The following CDH13 variants were observed in gnomAD, a reference collection of about 807,000 sequenced individuals.
CDH13 encodes the protein cadherin-13.
Under a neutral mutation model 63.8 loss-of-function variants are expected in CDH13, and 24 were observed. The observed-to-expected ratio is 0.38, with a 90% CI of 0.27 to 0.53. The LOEUF (loss-of-function observed/expected upper bound fraction) is 0.53, where lower values mean the gene tolerates loss of function less well. CDH13 is among the 20% of genes least tolerant of loss of function. CDH13 has a pLI of 0.85. For synonymous variants in CDH13, 503 were observed against 355.3 expected (o/e 1.42, Z -4.67); for missense variants, 1,049 against 903.1 (o/e 1.16, Z -2.07).
intron 1 of CDH13, among the ~76,000 whole-genome samples, chr16:82,771,009 C>G (rs528963926): frequency 1.3e-5 from 2 of 152,340 alleles, no homozygotes; most frequent in East Asian, 3.9e-4. Context: ...GCCAACACAC[C>G]TGGCCCAATA....
chr16:83,310,296 G>A (rs553915699), intron 5 of CDH13, among the ~76,000 whole-genome samples: 4 of 152,272 alleles, frequency 2.6e-5, no homozygotes, highest in South Asian at 4.1e-4. Flanking sequence ...TCTAAGATAC[G>A]GAGTAATTGC....
At chr16:82,988,054 C>T (rs576406082) in intron 2 of CDH13, among the ~76,000 whole-genome samples, 7 of 152,310 alleles carry the variant, frequency 4.6e-5, no homozygotes, top group East Asian at 1.9e-4. Context: ...AATTGAAGCA[C>T]GGCTATGTTT....
At chr16:82,989,026 T>C (rs1027940903) in intron 2 of CDH13, among the ~76,000 whole-genome samples, 12 of 152,130 alleles carry the variant, frequency 7.9e-5, no homozygotes, top group African/African-American at 2.9e-4. Flanking sequence ...TATTAAAGGA[T>C]GAAAGAGTGA....
At chr16:82,684,651 C>G (rs1292698506) in intron 1 of CDH13, among the ~76,000 whole-genome samples, 1 of 152,052 alleles carries the variant, frequency 6.6e-6, no homozygotes, top group Non-Finnish European at 1.5e-5. Flanking sequence ...CCTGGAGTCT[C>G]TACTGGTTCC....
At chr16:83,003,770 T>A (rs1308697477) in intron 2 of CDH13, among the ~76,000 whole-genome samples, 1 of 152,226 alleles carries the variant, frequency 6.6e-6, no homozygotes, top group Non-Finnish European at 1.5e-5. Flanking sequence ...CAAAGGTTCC[T>A]TAGAATGTTT....
At chr16:83,094,065 A>G (rs1227294215) in intron 3 of CDH13, among the ~76,000 whole-genome samples, 1 of 152,224 alleles carries the variant, frequency 6.6e-6, no homozygotes, top group Non-Finnish European at 1.5e-5. Flanking sequence ...GCAGGGTGAC[A>G]TGAAAATCTC....
intron 3 of CDH13, among the ~76,000 whole-genome samples, chr16:83,057,366 A>G (rs927685975): frequency 1.3e-5 from 2 of 152,184 alleles, no homozygotes; most frequent in African/African-American, 2.4e-5. Flanking sequence ...TTCTGAGATC[A>G]TGACAGAGTT....
chr16:83,631,615 G>C (rs1910786967), intron 8 of CDH13, among the ~76,000 whole-genome samples: 1 of 152,142 alleles, frequency 6.6e-6, no homozygotes, highest in Non-Finnish European at 1.5e-5. Context: ...GGAAAGGAAA[G>C]AGGGATGTCA....
At chr16:83,158,705 C>T (rs2037321684) in intron 4 of CDH13, among the ~76,000 whole-genome samples, 1 of 152,250 alleles carries the variant, frequency 6.6e-6, no homozygotes, top group African/African-American at 2.4e-5. Context: ...GGTGCTGCAG[C>T]TGCTCCATGG....
intron 1 of CDH13, among the ~76,000 whole-genome samples, chr16:82,692,950 G>A (rs1473426597): frequency 6.6e-6 from 1 of 152,160 alleles, no homozygotes; most frequent in East Asian, 1.9e-4. Context: ...TGAGGGAGGT[G>A]TCTTCTGTGA....
At chr16:83,277,469 A>G (rs1375148454) in intron 5 of CDH13, among the ~76,000 whole-genome samples, 1 of 152,218 alleles carries the variant, frequency 6.6e-6, no homozygotes, top group Non-Finnish European at 1.5e-5. Flanking sequence ...TGGGAATCCT[A>G]CAAAGGCTTT....
chr16:83,314,466 CTG>C (rs2090065236), intron 5 of CDH13, among the ~76,000 whole-genome samples: 1 of 152,116 alleles, frequency 6.6e-6, no homozygotes, highest in Non-Finnish European at 1.5e-5. Flanking sequence ...AGAGCACCCT[CTG>C]TGATTTGAGG....
At chr16:83,211,562 A>G (rs2151779217) in intron 4 of CDH13, among the ~76,000 whole-genome samples, 1 of 152,336 alleles carries the variant, frequency 6.6e-6, no homozygotes, top group South Asian at 2.1e-4. Flanking sequence ...AGCTGAGAAT[A>G]GAGGTAGGCA....
chr16:83,386,020 T>C (rs1020283906), intron 6 of CDH13, among the ~76,000 whole-genome samples: 6 of 152,210 alleles, frequency 3.9e-5, no homozygotes, highest in African/African-American at 1.2e-4. Flanking sequence ...TATGGGTGCT[T>C]GGACAAACAC....
At chr16:82,691,088 C>T (rs184666876) in intron 1 of CDH13, among the ~76,000 whole-genome samples, 1 of 152,328 alleles carries the variant, frequency 6.6e-6, no homozygotes, top group East Asian at 1.9e-4. Flanking sequence ...ATTTATTGGG[C>T]ATCTATGGTG....
chr16:83,340,279 CATGTACAT>C (rs1444329974), intron 5 of CDH13, among the ~76,000 whole-genome samples: 3 of 149,862 alleles, frequency 2.0e-5, no homozygotes, highest in Non-Finnish European at 3.0e-5. Context: ...GTCTGTGGTA[CATGTACAT>C]ATGTCTGCCT....
At chr16:83,104,562 G>T (rs970680200) in intron 3 of CDH13, among the ~76,000 whole-genome samples, 3 of 148,538 alleles carry the variant, frequency 2.0e-5, no homozygotes, top group African/African-American at 7.4e-5. Flanking sequence ...AAAAAAGGAA[G>T]AAGAATAGTA....
chr16:82,999,662 T>TA (rs1480621056), intron 2 of CDH13, among the ~76,000 whole-genome samples: 10 of 152,174 alleles, frequency 6.6e-5, no homozygotes, highest in Non-Finnish European at 1.5e-4. Flanking sequence ...TTCTGTACAA[T>TA]AAAAACTGTA....
At chr16:83,568,859 C>T (rs1053362226) in intron 7 of CDH13, among the ~76,000 whole-genome samples, 1 of 152,174 alleles carries the variant, frequency 6.6e-6, no homozygotes, top group Non-Finnish European at 1.5e-5. Context: ...CTGTCCACTT[C>T]CAGCTCCTGC....
Sources: allele counts gnomAD v4.1 joint callset (sites outside exome capture counted in the v4.1 genomes callset), GRCh38; gene constraint gnomAD v4.1.1; transcripts MANE v1.5; gene names NCBI Gene and HGNC (gene_info 2026-07-23, HGNC 2026-07-21).